Variants in SMAD3 observed in about 807,000 individuals in gnomAD.
The protein encoded by SMAD3 is MAD homolog 3.
A neutral mutation model predicts 51.8 loss-of-function variants in SMAD3; 12 were observed. The ratio of observed to expected loss-of-function variants is 0.23; its 90% confidence interval spans 0.15 to 0.38. The LOEUF (loss-of-function observed/expected upper bound fraction) is 0.38, where lower values mean the gene tolerates loss of function less well. Ranked by LOEUF, SMAD3 falls within the 10% of genes least tolerant of loss-of-function variation. The probability of loss-of-function intolerance (pLI) is 1.00; values close to 1 mark genes in which losing one functional copy is unlikely to be tolerated. For missense variants in SMAD3, 294 were observed against 565.6 expected (o/e 0.52, Z 4.87); for synonymous variants, 238 against 227.7 (o/e 1.05, Z -0.41).
intron 1 of SMAD3, among the ~76,000 whole-genome samples, chr15:67,119,651 A>T (rs933857515): frequency 1.3e-5 from 2 of 152,246 alleles, no homozygotes; most frequent in African/African-American, 4.8e-5. Context: ...CGGGAATGGG[A>T]AAAATGAATT....
intron 1 of SMAD3, among the ~76,000 whole-genome samples, chr15:67,080,293 A>C (rs1174647264): frequency 2.0e-5 from 3 of 152,250 alleles, no homozygotes; most frequent in African/African-American, 7.2e-5. Context: ...CGAGATGTTG[A>C]AAACATGGTA....
At chr15:67,118,614 G>T (rs1297059872) in intron 1 of SMAD3, among the ~76,000 whole-genome samples, 1 of 152,142 alleles carries the variant, frequency 6.6e-6, no homozygotes, top group East Asian at 1.9e-4. Context: ...TCTCTAGGAG[G>T]TTTTCATCCA....
At chr15:67,130,430 G>A (rs1961497168) in intron 1 of SMAD3, among the ~76,000 whole-genome samples, 1 of 152,166 alleles carries the variant, frequency 6.6e-6, no homozygotes, top group African/African-American at 2.4e-5. Context: ...GAGCATTACG[G>A]CCAGAGCTCC....
At chr15:67,089,107 A>C (rs939871869) in intron 1 of SMAD3, among the ~76,000 whole-genome samples, 20 of 152,252 alleles carry the variant, frequency 1.3e-4, no homozygotes, top group African/African-American at 4.3e-4. Flanking sequence ...TGAGTGGAGC[A>C]CACCTAGCCG....
chr15:67,105,735 G>A (rs546040185), intron 1 of SMAD3, among the ~76,000 whole-genome samples: 148 of 152,330 alleles, frequency 9.7e-4, no homozygotes, highest in African/African-American at 3.2e-3. Flanking sequence ...GCCCTGGCTG[G>A]AGATCCCGTG....
Position 67,170,448 on chromosome 15 carries a change from T to C in SMAD3, c.608-106T>C, listed in dbSNP as rs967943083. On this transcript the variant is annotated intron_variant, in intron 4 of 8. Transcript: ENST00000327367. ...TGGGACCCCTCAGTCCAGGGTTTTC[T>C]TTCTGCTGTGTTGGGCTACCCCTCC... 3.0e-5 allele frequency: 28 copies of C among 935,946 alleles called. No individual in the cohort carries two copies. In the African/African-American group the frequency reaches 3.4e-4, roughly 11 times the overall value. 58.0% of individuals were successfully genotyped at this position (935,946 alleles called of 1,614,324 possible). A position where few individuals can be genotyped will look rare whatever the true frequency, so the allele number is the denominator to read the frequency against.
intron 1 of SMAD3, among the ~76,000 whole-genome samples, chr15:67,131,583 T>C (rs1961527342): frequency 6.6e-6 from 1 of 152,172 alleles, no homozygotes; most frequent in South Asian, 2.1e-4. Flanking sequence ...CCAGTCCCGC[T>C]GTAAAGAGGA....
intron 1 of SMAD3, among the ~76,000 whole-genome samples, chr15:67,132,504 G>GC (rs1329011803): frequency 6.6e-6 from 1 of 152,158 alleles, no homozygotes; most frequent in Non-Finnish European, 1.5e-5. Context: ...CCTAAACCCA[G>GC]CCTTTTGACC....
At chr15:67,153,392 T>C (rs372502380) in intron 1 of SMAD3, among the ~76,000 whole-genome samples, 36 of 149,428 alleles carry the variant, frequency 2.4e-4, no homozygotes, top group African/African-American at 8.7e-4. Context: ...CGCAGAAGGC[T>C]GAGGCAGGAG....
intron 1 of SMAD3, among the ~76,000 whole-genome samples, chr15:67,098,025 C>T (rs1028912037): frequency 1.3e-5 from 2 of 152,178 alleles, no homozygotes; most frequent in Non-Finnish European, 2.9e-5. Context: ...CCTACTAAGC[C>T]TTGGTTTACG....
At chr15:67,075,303 C>CT (rs1960144524) in intron 1 of SMAD3, among the ~76,000 whole-genome samples, 1 of 152,202 alleles carries the variant, frequency 6.6e-6, no homozygotes, top group African/African-American at 2.4e-5. Flanking sequence ...TGAAGTCAGA[C>CT]TCAAGGTGGG....
At chr15:67,066,554 A>AT (rs1404422753) in intron 1 of SMAD3, among the ~76,000 whole-genome samples, 194 bp downstream of exon 1, 2 of 152,150 alleles carry the variant, frequency 1.3e-5, no homozygotes, top group Non-Finnish European at 2.9e-5. Flanking sequence ...ACCATCTCTG[A>AT]TTTGCAAAGA....
chr15:67,185,709 C>T (rs145898138), intron 7 of SMAD3, among the ~76,000 whole-genome samples: 173 of 152,248 alleles, frequency 1.1e-3, no homozygotes, highest in African/African-American at 3.8e-3. Context: ...GCCTGGACAG[C>T]AAGATCAGGC....
intron 5 of SMAD3, among the ~76,000 whole-genome samples, chr15:67,175,607 C>G (rs935000149): frequency 6.6e-6 from 1 of 152,234 alleles, no homozygotes; most frequent in African/African-American, 2.4e-5. Context: ...CCACTTTGCA[C>G]TGGCCTAGTT....
chr15:67,165,029 A>G lies in SMAD3; in HGVS notation c.341A>G (p.Asn114Ser), dbSNP rs369221296. ...RAMELCEFAF[N>S]MKKDEVCVNP... The stretch of plus-strand genomic sequence containing the variant: ...ATGGAGCTGTGTGAGTTCGCCTTCA[A>G]TATGAAGAAGGACGAGGTCTGCGTG... Residue 114 changes from asparagine to serine, a missense_variant, in exon 2 of 9, where the codon AAT becomes AGT. Asn to Ser is a conservative substitution (Grantham distance 46). Around this residue, in one of 3 missense-constraint regions of SMAD3, gnomAD observed 147 missense variants for 260.9 expected, o/e 0.56. Coordinates refer to ENST00000327367, the MANE Select transcript of SMAD3 (RefSeq NM_005902.4). 1.1e-5 allele frequency: 18 copies of G among 1,614,082 alleles called. No homozygotes were observed. The highest frequency in any genetic ancestry group is 5.5e-5 in the South Asian group (5 of 91,094).
intron 1 of SMAD3, among the ~76,000 whole-genome samples, chr15:67,141,330 C>A (rs180839227): frequency 1.2e-3 from 188 of 152,330 alleles, no homozygotes; most frequent in African/African-American, 4.4e-3. Flanking sequence ...CTTCCTCATG[C>A]AGGTGGACTC....
chr15:67,138,427 C>G (rs1033758015), intron 1 of SMAD3: 2 of 317,970 alleles, frequency 6.3e-6, no homozygotes, highest in Non-Finnish European at 1.2e-5. Flanking sequence ...GTGGGGAGAG[C>G]GTGCTGGGGA....
chr15:67,065,602 GA>G lies in SMAD3; in HGVS notation c.-550del, dbSNP rs1160427107. ...AAGGAGGCTGCACGCGGATTTGCAT[GA>G]AACACAGACTGGGAGCGGGCGGGAG... On this transcript the variant is annotated 5_prime_UTR_variant, in exon 1 of 9. Transcript: ENST00000327367. 6.6e-6 allele frequency among the ~76,000 whole-genome samples: 1 copy of G among 150,816 alleles called. No individual in the cohort carries two copies.
chr15:67,094,181 T>A (rs1960566727), intron 1 of SMAD3, among the ~76,000 whole-genome samples: 1 of 152,158 alleles, frequency 6.6e-6, no homozygotes, highest in African/African-American at 2.4e-5. Context: ...GAAGTCAGCC[T>A]GCACCTCGGC....
Sources: gnomAD v4.1 joint callset for allele counts (sites outside exome capture counted in the v4.1 genomes callset) on GRCh38, gnomAD v4.1.1 for gene constraint, gnomAD v4.1.1 regional missense constraint, MANE v1.5 for transcripts, NCBI Gene and HGNC (gene_info 2026-07-23, HGNC 2026-07-21) for gene names.